The following LYPLAL1 variants were observed in gnomAD, a reference collection of about 807,000 sequenced individuals.
The protein encoded by LYPLAL1 is lysophospholipase like 1, also known as lysophospholipase-like protein 1.
In LYPLAL1, 23 loss-of-function variants were observed where a neutral mutation model predicts 19.7. The observed-to-expected ratio is 1.17, with a 90% CI of 0.84 to 1.65. LYPLAL1 has a LOEUF of 1.65. Among genes scored for constraint, LYPLAL1 ranks in the 40% most tolerant of loss-of-function variants. The pLI is 0.00. For missense variants in LYPLAL1, 355 were observed against 279.4 expected (o/e 1.27, Z -1.93); for synonymous variants, 119 against 96.3 (o/e 1.24, Z -1.38).
Position 219,189,855 on chromosome 1 carries a change from A to G in LYPLAL1, c.192-3227A>G, listed in dbSNP as rs144073998. ...TTGAAAATAGTTTCAAGTTTACTAA[A>G]TTTTTTGATAAATTTATTGGATAAT... On this transcript the variant is annotated intron_variant, in intron 2 of 4. Transcript: ENST00000366928. Among the ~76,000 whole-genome samples, 6 of 151,766 alleles carry G rather than the reference A, an allele frequency of 4.0e-5. No individual in the cohort carries two copies. The South Asian group carries it at 1.2e-3, about 31-fold the overall frequency.
the LYPLAL1 span, among the ~76,000 whole-genome samples, chr1:219,222,020 G>A: frequency 8.6e-5 from 13 of 152,014 alleles, no homozygotes; most frequent in Admixed American, 5.2e-4. Flanking sequence ...GATAACTCAC[G>A]TGCTAGAATC....
At chr1:219,261,540 T>G in the LYPLAL1 span, among the ~76,000 whole-genome samples, 1 of 152,190 alleles carries the variant, frequency 6.6e-6, no homozygotes, top group Non-Finnish European at 1.5e-5. Flanking sequence ...CCTTTTAACC[T>G]TTCTTGTAGT....
chr1:219,183,519 C>A (rs935223374), intron 2 of LYPLAL1, among the ~76,000 whole-genome samples: 4 of 151,894 alleles, frequency 2.6e-5, no homozygotes, highest in African/African-American at 9.7e-5. Flanking sequence ...AAATTATGCA[C>A]CTATTTACCT....
At chr1:219,359,506 T>G in the LYPLAL1 span, among the ~76,000 whole-genome samples, 1 of 152,186 alleles carries the variant, frequency 6.6e-6, no homozygotes, top group Non-Finnish European at 1.5e-5. Flanking sequence ...TCACTCACCA[T>G]GGTCTTTCAC....
At chr1:219,262,872 G>A in the LYPLAL1 span, among the ~76,000 whole-genome samples, 6 of 152,342 alleles carry the variant, frequency 3.9e-5, no homozygotes, top group South Asian at 2.1e-4. Context: ...TAGCCAGGAC[G>A]TTGCAGGCAG....
At chr1:219,397,572 A>G in the LYPLAL1 span, among the ~76,000 whole-genome samples, 2 of 152,154 alleles carry the variant, frequency 1.3e-5, no homozygotes, top group East Asian at 3.9e-4. Context: ...TAGTATTGAT[A>G]TGTGTGGATT....
the LYPLAL1 span, among the ~76,000 whole-genome samples, chr1:219,365,656 A>G: frequency 6.6e-6 from 1 of 152,278 alleles, no homozygotes; most frequent in African/African-American, 2.4e-5. Flanking sequence ...TCTTGACAGT[A>G]TTCCACAAAA....
At chr1:219,308,420 C>T in the LYPLAL1 span, among the ~76,000 whole-genome samples, 1 of 152,162 alleles carries the variant, frequency 6.6e-6, no homozygotes, top group Admixed American at 6.5e-5. Context: ...ATTTTAATCC[C>T]CAAGATAATG....
At chr1:219,238,039 T>G in the LYPLAL1 span, among the ~76,000 whole-genome samples, 1 of 152,002 alleles carries the variant, frequency 6.6e-6, no homozygotes, top group African/African-American at 2.4e-5. Context: ...AGCAAATCAC[T>G]GAATATGTCT....
chr1:219,438,283 G>A, the LYPLAL1 span, among the ~76,000 whole-genome samples: 1 of 152,198 alleles, frequency 6.6e-6, no homozygotes, highest in East Asian at 1.9e-4. Flanking sequence ...CCCATGCCTA[G>A]AGTTAGGTAT....
At chr1:219,242,960 G>A in the LYPLAL1 span, among the ~76,000 whole-genome samples, 1,107 of 152,192 alleles carry the variant, frequency 7.3e-3, 10 homozygotes, top group Non-Finnish European at 0.011. Context: ...CCAGGCATCC[G>A]CAGGTTGTGC....
chr1:219,419,592 C>G, the LYPLAL1 span, among the ~76,000 whole-genome samples: 7,810 of 62,050 alleles, frequency 0.13, 624 homozygotes, highest in African/African-American at 0.3. Flanking sequence ...CACACACACA[C>G]ACAGAGAGAG....
the LYPLAL1 span, among the ~76,000 whole-genome samples, chr1:219,310,457 A>T: frequency 6.6e-6 from 1 of 152,178 alleles, no homozygotes; most frequent in African/African-American, 2.4e-5. Flanking sequence ...ATAAGCAAGC[A>T]CTCAAGTGTC....
the LYPLAL1 span, among the ~76,000 whole-genome samples, chr1:219,346,414 A>C: frequency 1.3e-5 from 2 of 151,984 alleles, no homozygotes; most frequent in East Asian, 3.9e-4. Context: ...AACTCAGATA[A>C]GACAAACATA....
chr1:219,407,433 A>G, the LYPLAL1 span, among the ~76,000 whole-genome samples: 1 of 152,238 alleles, frequency 6.6e-6, no homozygotes, highest in Non-Finnish European at 1.5e-5. Flanking sequence ...TGACTAAAAC[A>G]CCATAAGTGC....
chr1:219,440,119 T>C, the LYPLAL1 span, among the ~76,000 whole-genome samples: 2 of 150,626 alleles, frequency 1.3e-5, no homozygotes, highest in South Asian at 4.2e-4. Flanking sequence ...TCAGTAATCA[T>C]ATTATTGATA....
At chr1:219,205,184 C>T (rs779559551) in intron 3 of LYPLAL1, among the ~76,000 whole-genome samples, 11 of 151,358 alleles carry the variant, frequency 7.3e-5, no homozygotes, top group African/African-American at 2.2e-4. Context: ...GGTGAAACCC[C>T]GTCTCTACTA....
the LYPLAL1 span, chr1:219,222,840 G>A: frequency 6.6e-6 from 1 of 152,092 alleles, no homozygotes; most frequent in African/African-American, 2.4e-5. Flanking sequence ...TCAAGATGGT[G>A]TCTTTTTGCT....
At chr1:219,353,832 G>A in the LYPLAL1 span, among the ~76,000 whole-genome samples, 22 of 151,940 alleles carry the variant, frequency 1.4e-4, no homozygotes, top group African/African-American at 4.1e-4. Context: ...AAATATGACC[G>A]AGAAATTGAA....
Sources: allele counts gnomAD v4.1 joint callset (sites outside exome capture counted in the v4.1 genomes callset), GRCh38; gene constraint gnomAD v4.1.1; transcripts MANE v1.5; gene names NCBI Gene and HGNC (gene_info 2026-07-23, HGNC 2026-07-21).